Variants in ERI1 observed in about 807,000 individuals in gnomAD.
The protein encoded by ERI1 is exoribonuclease 1.
In ERI1, 39 loss-of-function variants were observed where a neutral mutation model predicts 39.7. That is an observed-to-expected ratio of 0.98 (90% confidence interval 0.76 to 1.28). The LOEUF (loss-of-function observed/expected upper bound fraction) is 1.28, where lower values mean the gene tolerates loss of function less well. Among genes scored for constraint, ERI1 ranks in the 50% most tolerant of loss-of-function variants. ERI1 has a pLI of 0.00. For synonymous variants in ERI1, 204 were observed against 149.6 expected (o/e 1.36, Z -2.65); for missense variants, 581 against 416.9 (o/e 1.39, Z -3.43).
At chr8:9,018,983 A>G (rs761764929) in intron 5 of ERI1, among the ~76,000 whole-genome samples, 49 of 152,176 alleles carry the variant, frequency 3.2e-4, no homozygotes, top group Non-Finnish European at 5.9e-5. Context: ...ACATCTGACC[A>G]TATATTCTGA....
chr8:9,011,852 A>T (rs896185078), intron 3 of ERI1, 100 bp downstream of exon 3: 1 of 828,080 alleles, frequency 1.2e-6, no homozygotes, highest in African/African-American at 1.7e-5. Context: ...CCAGAATTAG[A>T]CTTCTAAAGT....
Position 9,032,214 on chromosome 8 carries a change from A to C in ERI1, c.*2180A>C, listed in dbSNP as rs953430031. The C allele has an allele frequency of 3.3e-5, 5 of 152,210 alleles. No homozygotes were observed. Among genetic ancestry groups the C allele is most frequent in the African/African-American group, 1.2e-4 (5 of 41,440 alleles). The allele number at this position is 152,210 out of a possible 1,614,324, so 9.4% of individuals were successfully genotyped here. ...AAGACAAATAGTACAACTTTTTACAAGGAAACACGTAAGAGATGGATGTCC... is the reference window on the plus strand; with the variant it reads ...AAGACAAATAGTACAACTTTTTACACGGAAACACGTAAGAGATGGATGTCC... On this transcript the variant is annotated 3_prime_UTR_variant, in exon 7 of 7. Coordinates refer to ENST00000250263, the MANE Select transcript of ERI1 (RefSeq NM_153332.4).
intron 3 of ERI1, among the ~76,000 whole-genome samples, chr8:9,047,254 A>G (rs556428600): frequency 6.6e-6 from 1 of 152,306 alleles, no homozygotes; most frequent in Admixed American, 6.5e-5. Context: ...CTGGGAGTTT[A>G]TAGCAGTGCC....
chr8:9,018,411 GTATT>G lies in ERI1; in HGVS notation c.692+8_692+11del, dbSNP rs764392182. ...ATACTCACTTTTAACAGATGGGTAA[GTATT>G]TAGGAAGATTATTTTTTTATATCTA... On this transcript the variant is annotated splice_donor_region_variant and intron_variant, in intron 5 of 6. Coordinates refer to ENST00000250263, the MANE Select transcript of ERI1 (RefSeq NM_153332.4). 13 of 1,444,200 alleles carry G rather than the reference GTATT, an allele frequency of 9.0e-6. 1 individual carries two copies. In the South Asian group the frequency reaches 1.3e-4, roughly 14 times the overall value. The allele number at this position is 1,444,200 out of a possible 1,614,324, so 89.5% of individuals were successfully genotyped here.
intron 3 of ERI1, among the ~76,000 whole-genome samples, chr8:9,076,493 A>C (rs558209882): frequency 6.6e-6 from 1 of 152,358 alleles, no homozygotes; most frequent in South Asian, 2.1e-4. Flanking sequence ...GTGAGAACTC[A>C]TCTGGGCCTT....
chr8:9,004,038 T>C (rs1006167782), intron 1 of ERI1: 3 of 1,277,388 alleles, frequency 2.3e-6, no homozygotes, highest in African/African-American at 3.1e-5. Context: ...CCCTTGGTAA[T>C]TGCATCTCAC....
chr8:9,021,927 T>C (rs946328125), intron 6 of ERI1, among the ~76,000 whole-genome samples: 2 of 152,094 alleles, frequency 1.3e-5, no homozygotes, highest in South Asian at 2.1e-4. Context: ...TTGTTTTTAT[T>C]TGGGGCTTCC....
intron 3 of ERI1, among the ~76,000 whole-genome samples, chr8:9,063,921 AG>A (rs1798783220): frequency 6.6e-6 from 1 of 151,858 alleles, no homozygotes; most frequent in Admixed American, 6.6e-5. Context: ...GGGGGAATGG[AG>A]GGTGGAAGGT....
chr8:9,067,267 C>G (rs1225886326), intron 3 of ERI1, among the ~76,000 whole-genome samples: 1 of 151,938 alleles, frequency 6.6e-6, no homozygotes, highest in East Asian at 1.9e-4. Flanking sequence ...AGCCTGAAAT[C>G]TGTATTAAGT....
At position 9,058,823 on chromosome 8, in the gene ERI1, T is replaced by C. The variant is rs551430760; in HGVS notation, n.299+38359T>C. On this transcript the variant is annotated intron_variant and non_coding_transcript_variant, in intron 3 of 3. Coordinates refer to the ERI1 transcript ENST00000518663. ...AAATAGGCCAAAAAAAATAAATAAA[T>C]AAACAGCAACTTCATTGATAAATAA... 4.7e-5 allele frequency among the ~76,000 whole-genome samples: 7 copies of C among 149,116 alleles called. No individual in the cohort carries two copies. In the South Asian group the frequency reaches 1.3e-3, roughly 28 times the overall value.
At chr8:9,011,883 A>T (rs1816710489) in intron 3 of ERI1, 131 bp downstream of exon 3, 3 of 592,268 alleles carry the variant, frequency 5.1e-6, no homozygotes, top group Non-Finnish European at 8.4e-6. Flanking sequence ...TTTGCCATGA[A>T]CTTTATATCA....
chr8:9,034,675 G>A (rs775027947), downstream of ERI1, among the ~76,000 whole-genome samples: 1 of 152,100 alleles, frequency 6.6e-6, no homozygotes, highest in Non-Finnish European at 1.5e-5. Flanking sequence ...ATTGAAATTA[G>A]GGCAATTAAT....
At chr8:9,007,017 G>A (rs188363915) in intron 1 of ERI1, among the ~76,000 whole-genome samples, 2 of 152,154 alleles carry the variant, frequency 1.3e-5, no homozygotes, top group African/African-American at 4.8e-5. Flanking sequence ...GGGATAATTA[G>A]TACTAAATAT....
intron 3 of ERI1, chr8:9,091,622 A>G (rs1799708559): frequency 6.6e-6 from 1 of 152,260 alleles, no homozygotes; most frequent in Non-Finnish European, 1.5e-5. Context: ...GCCTTTCTAT[A>G]AATGAATCCA....
intron 6 of ERI1, among the ~76,000 whole-genome samples, chr8:9,028,966 T>G (rs1585234040): frequency 7.1e-6 from 1 of 141,792 alleles, no homozygotes. Flanking sequence ...ATTTGGGGAG[T>G]GTGAGAGTTT....
At chr8:9,062,166 C>T (rs2979253) in intron 3 of ERI1, among the ~76,000 whole-genome samples, 60,786 of 151,770 alleles carry the variant, frequency 0.4, 14,470 homozygotes, top group East Asian at 0.69. Context: ...CTTTTTAAAG[C>T]GTGCTGTGGG....
At chr8:9,086,088 A>C (rs1283201362) in intron 3 of ERI1, among the ~76,000 whole-genome samples, 1 of 152,166 alleles carries the variant, frequency 6.6e-6, no homozygotes, top group Non-Finnish European at 1.5e-5. Flanking sequence ...TTGTTTGTCT[A>C]GACTGCGGCA....
chr8:9,028,764 C>T (rs1355083426), intron 6 of ERI1, among the ~76,000 whole-genome samples: 1 of 151,998 alleles, frequency 6.6e-6, no homozygotes, highest in Non-Finnish European at 1.5e-5. Context: ...GCTGGGATTA[C>T]AGGCGCACGC....
chr8:9,062,009 C>G (rs1055475336), intron 3 of ERI1, among the ~76,000 whole-genome samples: 3 of 151,922 alleles, frequency 2.0e-5, no homozygotes, highest in African/African-American at 7.3e-5. Context: ...GGTGGATAGG[C>G]AAAACAATTT....
Sources: allele counts gnomAD v4.1 joint callset (sites outside exome capture counted in the v4.1 genomes callset), GRCh38; gene constraint gnomAD v4.1.1; transcripts MANE v1.5; gene names NCBI Gene and HGNC (gene_info 2026-07-23, HGNC 2026-07-21).